Variants in ARHGAP32 observed in about 807,000 individuals in gnomAD.
ARHGAP32 encodes Rho GTPase activating protein 32, also known as rho GTPase-activating protein 32.
In ARHGAP32, 51 loss-of-function variants were observed where a neutral mutation model predicts 186.5. The ratio of observed to expected loss-of-function variants is 0.27; its 90% CI spans 0.22 to 0.35. The LOEUF (loss-of-function observed/expected upper bound fraction) is 0.35. Ranked by LOEUF, ARHGAP32 falls within the 10% of genes least tolerant of loss-of-function variation. The pLI is 1.00. For missense variants in ARHGAP32, 2,186 were observed against 2,623.5 expected, an observed-to-expected ratio of 0.83 and a Z score of 3.64; for synonymous variants, 950 against 964.3, an observed-to-expected ratio of 0.99 and a Z score of 0.27.
chr11:129,194,125 G>C (rs1260573056), upstream of ARHGAP32, among the ~76,000 whole-genome samples: 1 of 152,016 alleles, frequency 6.6e-6, no homozygotes, highest in South Asian at 2.1e-4. Context: ...GAGGACATGG[G>C]AAAAGAAACA....
chr11:129,195,356 C>T (rs891435249), upstream of ARHGAP32, among the ~76,000 whole-genome samples: 2 of 152,054 alleles, frequency 1.3e-5, no homozygotes, highest in African/African-American at 4.8e-5. Context: ...GGTTGATTTC[C>T]CTCACTTCGA....
At chr11:129,075,395 G>T (rs371783696) in intron 6 of ARHGAP32, among the ~76,000 whole-genome samples, 21 of 152,156 alleles carry the variant, frequency 1.4e-4, no homozygotes, top group Non-Finnish European at 2.2e-4. Context: ...GGGATAAATG[G>T]GGCACTCAGT....
intron 1 of ARHGAP32, among the ~76,000 whole-genome samples, chr11:129,243,426 A>G (rs1317199167): frequency 1.3e-5 from 2 of 152,234 alleles, no homozygotes; most frequent in Non-Finnish European, 2.9e-5. Flanking sequence ...TATCCTCAAT[A>G]CAAAGCATAA....
intron 12 of ARHGAP32, among the ~76,000 whole-genome samples, chr11:128,997,629 C>G (rs998962457): frequency 6.6e-6 from 1 of 151,686 alleles, no homozygotes; most frequent in Admixed American, 6.6e-5. Context: ...TTTTTTCTTT[C>G]CCTCCTATCC....
intron 1 of ARHGAP32, among the ~76,000 whole-genome samples, chr11:129,276,094 T>C (rs1206718664): frequency 3.9e-5 from 6 of 152,174 alleles, no homozygotes; most frequent in Admixed American, 2.6e-4. Flanking sequence ...CTGTGCAACA[T>C]AGCATGACCC....
At chr11:129,005,300 G>A (rs1204123576) in intron 11 of ARHGAP32, among the ~76,000 whole-genome samples, 1 of 152,104 alleles carries the variant, frequency 6.6e-6, no homozygotes, top group Non-Finnish European at 1.5e-5. Context: ...ACACACCACA[G>A]TTAGTGTTAT....
chr11:129,240,562 C>T (rs1164189651), intron 1 of ARHGAP32, among the ~76,000 whole-genome samples: 1 of 152,116 alleles, frequency 6.6e-6, no homozygotes, highest in Non-Finnish European at 1.5e-5. Context: ...GGTATACTTA[C>T]TTTTAGTTGA....
At chr11:129,110,979 A>G (rs1942196723) in intron 5 of ARHGAP32, among the ~76,000 whole-genome samples, 1 of 152,140 alleles carries the variant, frequency 6.6e-6, no homozygotes, top group Admixed American at 6.6e-5. Flanking sequence ...CAGGAGTGGA[A>G]AAGTTGGCAT....
intron 6 of ARHGAP32, among the ~76,000 whole-genome samples, chr11:129,087,210 T>C (rs949558219): frequency 6.6e-6 from 1 of 152,206 alleles, no homozygotes; most frequent in African/African-American, 2.4e-5. Context: ...AAAAACACTT[T>C]TACCATGCAA....
In ARHGAP32 at chr11:129,015,361, T is replaced by C. The variant is rs112633220; in HGVS notation, c.1046-16893A>G. On this transcript the variant is annotated intron_variant, in intron 11 of 22. Transcript: ENST00000682385. ...TATTAGAGCCCAATGTCAATGTACT[T>C]ATTTTTAAAAATTGCTCAATACTTT... Among the ~76,000 whole-genome samples the C allele has an allele frequency of 1.5e-4, 23 of 152,326 alleles. 1 individual carries two copies. The highest frequency in any genetic ancestry group is 5.5e-4 in the African/African-American group (23 of 41,568).
At chr11:129,193,177 T>C (rs1419430308), upstream of ARHGAP32, among the ~76,000 whole-genome samples, 1 of 151,248 alleles carries the variant, frequency 6.6e-6, no homozygotes, top group Non-Finnish European at 1.5e-5. Flanking sequence ...ATTTTCATAT[T>C]TGAAAAATAA....
rs368514606 is a variant in ARHGAP32, at chr11:129,198,677, T to C, written c.-4-34250A>G. ...GAGTCAATTAAACCTCTTTCCTTTA[T>C]AGATTACCCAGTTTCATGTATGTCT... is the stretch of plus-strand genomic sequence containing the variant. On this transcript the variant is annotated intron_variant, in intron 1 of 6. Transcript: ENST00000525234. 3.3e-3 allele frequency among the ~76,000 whole-genome samples: 507 copies of C among 152,332 alleles called. 4 individuals carry two copies. The highest frequency in any genetic ancestry group is 0.011 in the African/African-American group (463 of 41,572).
Position 128,988,072 on chromosome 11 carries a change from C to T in ARHGAP32, c.1249G>A (p.Asp417Asn), listed in dbSNP as rs749633290. ...TAFIERYGIV[D>N]GIYRLSGVAS... Reference sequence around the variant, plus strand: ...ACACCAGAAAGGCGATAGATTCCATCCACGATGCCATATCTCTCAATGAAT... The same window carrying T: ...ACACCAGAAAGGCGATAGATTCCATTCACGATGCCATATCTCTCAATGAAT... The change falls in exon 13 of 23, where the codon GAT becomes AAT. Residue 417 changes from aspartate to asparagine, a missense_variant. By Grantham distance (23) the Asp-to-Asn change is conservative. This residue lies in a region of ARHGAP32 where 308 missense variants were observed against 596.5 expected (regional missense o/e 0.52). Coordinates refer to ENST00000682385, the MANE Select transcript of ARHGAP32 (RefSeq NM_001378024.1). 1 of 1,613,520 alleles carries T rather than the reference C, an allele frequency of 6.2e-7. No homozygotes were observed. The highest frequency in any genetic ancestry group is 8.5e-7 in the Non-Finnish European group (1 of 1,179,630).
At chr11:129,141,336 C>G (rs998026776) in intron 2 of ARHGAP32, among the ~76,000 whole-genome samples, 5 of 150,646 alleles carry the variant, frequency 3.3e-5, no homozygotes, top group African/African-American at 5.0e-5. Flanking sequence ...ATGGATGAAG[C>G]TGGAAACCAT....
chr11:129,209,448 A>C (rs1944553159), intron 1 of ARHGAP32, among the ~76,000 whole-genome samples: 1 of 151,250 alleles, frequency 6.6e-6, no homozygotes, highest in African/African-American at 2.5e-5. Flanking sequence ...TATAAAAAAA[A>C]GTAAATATAA....
chr11:129,081,207 A>AATTC (rs1383973358), intron 6 of ARHGAP32, among the ~76,000 whole-genome samples: 17 of 151,750 alleles, frequency 1.1e-4, no homozygotes, highest in Admixed American at 3.9e-4. Flanking sequence ...TACCAATCCT[A>AATTC]ATTCACACTA....
At chr11:129,037,662 T>C (rs905413075) in intron 11 of ARHGAP32, among the ~76,000 whole-genome samples, 1 of 151,890 alleles carries the variant, frequency 6.6e-6, no homozygotes, top group African/African-American at 2.4e-5. Flanking sequence ...GACAAGCTGA[T>C]TCTAAAGCCA....
At chr11:129,090,819 G>A (rs1439565312) in intron 6 of ARHGAP32, among the ~76,000 whole-genome samples, 1 of 152,154 alleles carries the variant, frequency 6.6e-6, no homozygotes, top group Non-Finnish European at 1.5e-5. Flanking sequence ...TATAATTAGT[G>A]TCAGGGTTTA....
chr11:129,099,966 A>G (rs1180829096), intron 5 of ARHGAP32, among the ~76,000 whole-genome samples: 1 of 152,180 alleles, frequency 6.6e-6, no homozygotes, highest in Non-Finnish European at 1.5e-5. Flanking sequence ...CTGGATCCCA[A>G]CAGCTCCCGG....
Sources: gnomAD v4.1 joint callset for allele counts (sites outside exome capture counted in the v4.1 genomes callset) on GRCh38, gnomAD v4.1.1 for gene constraint, gnomAD v4.1.1 regional missense constraint, MANE v1.5 for transcripts, NCBI Gene and HGNC (gene_info 2026-07-23, HGNC 2026-07-21) for gene names.